CARMIL2: variants seen among roughly 807,000 people sequenced by gnomAD.
CARMIL2 encodes capping protein, Arp2/3 and myosin-I linker protein 2.
CARMIL2 carries 96 observed loss-of-function variants against 173.3 expected under a neutral mutation model. That is an observed-to-expected ratio of 0.55 (90% confidence interval 0.47 to 0.66). The LOEUF (loss-of-function observed/expected upper bound fraction) is 0.66, where lower values mean the gene tolerates loss of function less well. Among genes scored for constraint, CARMIL2 ranks in the 30% least tolerant of loss-of-function variants. The pLI, the probability that CARMIL2 is intolerant of heterozygous loss-of-function variation, is 0.00. For synonymous variants in CARMIL2, 830 were observed against 817.1 expected, an observed-to-expected ratio of 1.02 and a Z score of -0.27; for missense variants, 1,771 against 1,906.7, an observed-to-expected ratio of 0.93 and a Z score of 1.33.
rs1433268820 is a variant in CARMIL2 at position 67,652,981 on chromosome 16, G to T, written c.2885-38G>T. On this transcript the variant is annotated intron_variant, in intron 28 of 37. Transcript: ENST00000334583. The surrounding 1 kb of genome is among the most constrained non-coding windows in gnomAD (Gnocchi z 4.7). ...AGCGCCTCCGCCGCCACCTCCCCGG[G>T]CTCGGCGCTCGGTGCTCTTCTGGTG... is the stretch of plus-strand genomic sequence containing the variant. The T allele has an allele frequency of 2.6e-6, 3 of 1,136,322 alleles. No homozygotes were observed. In the South Asian group the frequency reaches 4.6e-5, roughly 17 times the overall value. 70.4% of individuals were successfully genotyped at this position (1,136,322 alleles called of 1,614,324 possible).
rs749112926 is a variant in CARMIL2 at position 67,645,753 on chromosome 16, G to C, written c.162G>C (p.Leu54=). ...TGCTACGATGGAGAGCCTACCTGCT[G>C]CACACCACCTGCCTCCCGCTGAGGG... is the stretch of plus-strand genomic sequence containing the variant. ...LALLRWRAYL[L]HTTCLPLRVD... is the part of the protein sequence containing the mutation. Residue 54 remains leucine, a synonymous_variant, in exon 3 of 38, where the codon CTG becomes CTC. Coordinates refer to ENST00000334583, the MANE Select transcript of CARMIL2 (RefSeq NM_001013838.3). 9 of 1,612,832 alleles carry C rather than the reference G, an allele frequency of 5.6e-6. No individual in the cohort carries two copies. The South Asian group carries it at 8.8e-5, about 16-fold the overall frequency.
At chr16:67,650,927 C>G (rs2052710711) in intron 22 of CARMIL2, 2 of 454,994 alleles carry the variant, frequency 4.4e-6, no homozygotes, top group African/African-American at 3.9e-5. Context: ...TGTGGACAGA[C>G]TGAGCTTCTA....
chr16:67,649,325 ACCTTGCAGGG>A lies in CARMIL2; in HGVS notation c.1746+18_1746+27del. On this transcript the variant is annotated intron_variant, in intron 19 of 37. Coordinates refer to ENST00000334583, the MANE Select transcript of CARMIL2 (RefSeq NM_001013838.3). This position sits in a 1 kb window ranked among gnomAD's most constrained non-coding sequence, Gnocchi z 6.7. ...GACGACGATTGTGTGAGTTCACGGG[ACCTTGCAGGG>A]CCTCGGGCAATTAGACCACTTTGGT... is the stretch of plus-strand genomic sequence containing the variant. The A allele has an allele frequency of 6.2e-7, 1 of 1,611,176 alleles. No homozygotes were observed. The highest frequency in any genetic ancestry group is 8.5e-7 in the Non-Finnish European group (1 of 1,179,534).
chr16:67,653,062 G>A lies in CARMIL2; in HGVS notation c.2928G>A (p.Pro976=), dbSNP rs1407351491. 1.6e-6 allele frequency: 2 copies of A among 1,266,910 alleles called. No homozygotes were observed. Among genetic ancestry groups the A allele is most frequent in the Admixed American group, 7.8e-5 (2 of 25,558 alleles). 78.5% of individuals were successfully genotyped at this position (1,266,910 alleles called of 1,614,324 possible). A position where few individuals can be genotyped will look rare whatever the true frequency, so the allele number is the denominator to read the frequency against. ...AGCCGGAGCCCGAGCTGGCGGCTCC[G>A]GGAGAAGATGCAGAGCCGCAGGCGG... The part of the protein sequence containing the change: ...EAEPEPELAA[P]GEDAEPQAGP... Residue 976 remains proline, a synonymous_variant, in exon 29 of 38, where the codon CCG becomes CCA. Coordinates refer to ENST00000334583, the MANE Select transcript of CARMIL2 (RefSeq NM_001013838.3). This position sits in a 1 kb window ranked among gnomAD's most constrained non-coding sequence, Gnocchi z 7.4.
chr16:67,652,136 G>C lies in CARMIL2; in HGVS notation c.2677-63G>C. 2 of 1,596,726 alleles carry C rather than the reference G, an allele frequency of 1.3e-6. No homozygotes were observed. The highest frequency in any genetic ancestry group is 2.2e-5 in the South Asian group (2 of 90,484). On this transcript the variant is annotated intron_variant, in intron 26 of 37. Coordinates refer to ENST00000334583, the MANE Select transcript of CARMIL2 (RefSeq NM_001013838.3). This position sits in a 1 kb window ranked among gnomAD's most constrained non-coding sequence, Gnocchi z 4.7. ...CCAGGGCTATTTCAGGGTCCCCTTAGTTAGCATCAATGGGATCATGGCTGA... is the reference window on the plus strand; with the variant it reads ...CCAGGGCTATTTCAGGGTCCCCTTACTTAGCATCAATGGGATCATGGCTGA...
Position 67,648,029 on chromosome 16 carries a change from T to G in CARMIL2, c.1072-23T>G. ...CCTGGGTAGGCGATCCCCCACTCCA[T>G]CGCACCCCTGTCCTCCCTCCAGGGC... On this transcript the variant is annotated intron_variant, in intron 13 of 37. Transcript: ENST00000334583. The surrounding 1 kb of genome is among the most constrained non-coding windows in gnomAD (Gnocchi z 6.1). 1 of 1,609,666 alleles carries G rather than the reference T, an allele frequency of 6.2e-7. No individual in the cohort carries two copies. The highest frequency in any genetic ancestry group is 8.5e-7 in the Non-Finnish European group (1 of 1,178,160).
chr16:67,649,457 C>T lies in CARMIL2; in HGVS notation c.1757C>T (p.Ser586Phe). Reference protein sequence around the residue: ...LMQDDDCPLQSLSVAESRLKL... With the variant: ...LMQDDDCPLQFLSVAESRLKL... ...TTCTCTTAACCCCAGCCTCTTCAGT[C>T]TCTGTCGGTGGCTGAGTCTCGGCTG... The change falls in exon 20 of 38, where the codon TCT (serine) becomes TTT (phenylalanine). Residue 586 changes from serine to phenylalanine, a missense_variant. Physicochemically the swap from Ser to Phe is radical, Grantham distance 155. This residue lies in a region of CARMIL2 where 944 missense variants were observed against 975.6 expected (regional missense o/e 0.97). Coordinates refer to ENST00000334583, the MANE Select transcript of CARMIL2 (RefSeq NM_001013838.3). This position sits in a 1 kb window ranked among gnomAD's most constrained non-coding sequence, Gnocchi z 6.7. 6.2e-7 allele frequency: 1 copy of T among 1,612,094 alleles called. No homozygotes were observed. The highest frequency in any genetic ancestry group is 8.5e-7 in the Non-Finnish European group (1 of 1,179,894).
Position 67,654,706 on chromosome 16 carries a change from A to G in CARMIL2, c.3582+14A>G, listed in dbSNP as rs1597758525. On this transcript the variant is annotated intron_variant, in intron 31 of 37. Transcript: ENST00000334583. ...AGACCCGACAAGGTGAGGCTTGCTG[A>G]TGGGGGGTGGTGAAGGCGCTTCTGG... is the stretch of plus-strand genomic sequence containing the variant. 1 of 1,600,166 alleles carries G rather than the reference A, an allele frequency of 6.2e-7. No homozygotes were observed. The highest frequency in any genetic ancestry group is 8.5e-7 in the Non-Finnish European group (1 of 1,172,320).
At position 67,654,072 on chromosome 16, in the gene CARMIL2, C is replaced by A. The variant is rs184348146; in HGVS notation, c.3121-77C>A. ...GAATCCTGGAGTTATTCAGTCCAGGCTGCCGGCCGGGGGGGGGGGGGGGTA... is the reference window on the plus strand; with the variant it reads ...GAATCCTGGAGTTATTCAGTCCAGGATGCCGGCCGGGGGGGGGGGGGGGTA... On this transcript the variant is annotated intron_variant, in intron 29 of 37. Transcript: ENST00000334583. 1.8e-4 allele frequency: 166 copies of A among 919,028 alleles called. 3 individuals are homozygous for A. The African/African-American group carries it at 4.8e-3, about 27-fold the overall frequency. 56.9% of individuals were successfully genotyped at this position (919,028 alleles called of 1,614,324 possible).
chr16:67,649,537 G>A lies in CARMIL2; in HGVS notation c.1837G>A (p.Ala613Thr), dbSNP rs201402413. ...CCTAGCCACCAATCCTAACCTGACC[G>A]CGCTGGATATCAGCGGCAACGCCAT... is the stretch of plus-strand genomic sequence containing the variant. ...RALATNPNLTALDISGNAMGD... is the reference protein window; with the variant it reads ...RALATNPNLTTLDISGNAMGD... The change falls in exon 20 of 38, where the codon GCG becomes ACG. Residue 613 changes from alanine to threonine, a missense_variant. Ala to Thr is a moderately conservative substitution (Grantham distance 58). Transcript: ENST00000334583. This position sits in a 1 kb window ranked among gnomAD's most constrained non-coding sequence, Gnocchi z 6.7. 6 of 1,606,134 alleles carry A rather than the reference G, an allele frequency of 3.7e-6. No individual in the cohort carries two copies. In the Admixed American group the frequency reaches 6.7e-5, roughly 18 times the overall value.
Position 67,653,066 on chromosome 16 carries a change from G to A in CARMIL2, c.2932G>A (p.Glu978Lys). 1.6e-6 allele frequency: 2 copies of A among 1,263,234 alleles called. No homozygotes were observed. Among genetic ancestry groups the A allele is most frequent in the Non-Finnish European group, 2.0e-6 (2 of 994,120 alleles). 78.3% of individuals were successfully genotyped at this position (1,263,234 alleles called of 1,614,324 possible). A position where few individuals can be genotyped will look rare whatever the true frequency, so the allele number is the denominator to read the frequency against. The change falls in exon 29 of 38, where the codon GAA becomes AAA. Residue 978 changes from glutamate (E) to lysine (K), a missense_variant. Around this residue, in one of 3 missense-constraint regions of CARMIL2, gnomAD observed 817 missense variants for 903.5 expected, o/e 0.90. Coordinates refer to ENST00000334583, the MANE Select transcript of CARMIL2 (RefSeq NM_001013838.3). This position sits in a 1 kb window ranked among gnomAD's most constrained non-coding sequence, Gnocchi z 7.4. Reference protein sequence around the residue: ...EPEPELAAPGEDAEPQAGPSA... With the variant: ...EPEPELAAPGKDAEPQAGPSA... Reference sequence around the variant, plus strand: ...GGAGCCCGAGCTGGCGGCTCCGGGAGAAGATGCAGAGCCGCAGGCGGGGCC... The same window carrying A: ...GGAGCCCGAGCTGGCGGCTCCGGGAAAAGATGCAGAGCCGCAGGCGGGGCC...
In CARMIL2 at chr16:67,645,255, G is replaced by C; in HGVS notation, c.9G>C (p.Gln3His). 6.2e-7 allele frequency: 1 copy of C among 1,600,954 alleles called. No individual in the cohort carries two copies. Among genetic ancestry groups the C allele is most frequent in the Non-Finnish European group, 8.5e-7 (1 of 1,174,676 alleles). MA[Q>H]TPDGISCELR... is the part of the protein sequence containing the mutation. ...CCCGGCCCGCCCGGCCCATGGCCCA[G>C]ACCCCCGACGGCATCTCCTGTGAGC... Residue 3 changes from glutamine to histidine, a missense_variant, in exon 1 of 38, where the codon CAG becomes CAC. Physicochemically the swap from Gln to His is conservative, Grantham distance 24. Coordinates refer to ENST00000334583, the MANE Select transcript of CARMIL2 (RefSeq NM_001013838.3).
rs1036411507 is a variant in CARMIL2 at position 67,652,909 on chromosome 16, C to T, written c.2885-110C>T. 127 of 279,612 alleles carry T rather than the reference C, an allele frequency of 4.5e-4. 1 individual carries two copies. The highest frequency in any genetic ancestry group is 2.2e-3 in the East Asian group (23 of 10,478). The allele number at this position is 279,612 out of a possible 1,614,324, so 17.3% of individuals were successfully genotyped here. The stretch of plus-strand genomic sequence containing the variant: ...GGCAGAGGGGCGGGGGGACGGGCGG[C>T]GTAGCCGGGCCCCTCCCCGCGCCCT... On this transcript the variant is annotated intron_variant, in intron 28 of 37. Coordinates refer to ENST00000334583, the MANE Select transcript of CARMIL2 (RefSeq NM_001013838.3). This position sits in a 1 kb window ranked among gnomAD's most constrained non-coding sequence, Gnocchi z 4.7.
Position 67,653,141 on chromosome 16 carries a change from C to T in CARMIL2, c.3007C>T (p.Pro1003Ser). Reference protein sequence around the residue: ...SPAAPGPPAGPLPRMDLPLAG... With the variant: ...SPAAPGPPAGSLPRMDLPLAG... ...TGCCGCCCCTGGGCCCCCGGCCGGC[C>T]CGCTGCCCCGCATGGACCTGCCACT... Residue 1003 changes from proline to serine, a missense_variant, in exon 29 of 38, where the codon CCG (proline) becomes TCG (serine). Physicochemically the swap from Pro to Ser is moderately conservative, Grantham distance 74. Around this residue, in one of 3 missense-constraint regions of CARMIL2, gnomAD observed 817 missense variants for 903.5 expected, o/e 0.90. Transcript: ENST00000334583. This position sits in a 1 kb window ranked among gnomAD's most constrained non-coding sequence, Gnocchi z 7.4. 9.0e-7 allele frequency: 1 copy of T among 1,114,992 alleles called. No homozygotes were observed. Among genetic ancestry groups the T allele is most frequent in the Non-Finnish European group, 1.1e-6 (1 of 913,698 alleles). The allele number at this position is 1,114,992 out of a possible 1,614,324, so 69.1% of individuals were successfully genotyped here. A position where few individuals can be genotyped will look rare whatever the true frequency, so the allele number is the denominator to read the frequency against.
In CARMIL2 at chr16:67,657,236, T is replaced by G; in HGVS notation, c.4118-3T>G. 6.2e-7 allele frequency: 1 copy of G among 1,613,430 alleles called. No homozygotes were observed. Among genetic ancestry groups the G allele is most frequent in the Non-Finnish European group, 8.5e-7 (1 of 1,179,690 alleles). On this transcript the variant is annotated splice_polypyrimidine_tract_variant and splice_region_variant and intron_variant, in intron 36 of 37. Coordinates refer to ENST00000334583, the MANE Select transcript of CARMIL2 (RefSeq NM_001013838.3). The surrounding 1 kb of genome is among the most constrained non-coding windows in gnomAD (Gnocchi z 4.5). ...CCACCCCAAGCCTTTCTGTGTCCCT[T>G]AGAACGGCCCCTGAGGCTGCAGCGC... is the stretch of plus-strand genomic sequence containing the variant.
intron 8 of CARMIL2, 35 bp from the exon 9 acceptor site, chr16:67,647,081 C>G (rs769925641): frequency 1.2e-6 from 2 of 1,612,072 alleles, no homozygotes; most frequent in Non-Finnish European, 1.7e-6. Context: ...GCTGGAGGGC[C>G]CTGAGCTCTG....
intron 9 of CARMIL2, 32 bp from the exon 10 acceptor site, chr16:67,647,267 C>CCCGCTGAGGGCCAGGGTGT (rs1567627557): frequency 6.2e-7 from 1 of 1,609,750 alleles, no homozygotes; most frequent in Non-Finnish European, 8.5e-7. Context: ...GGCCAGGGTG[C>CCCGCTGAGGGCCAGGGTGT]AGCCCGTGAG....
At chr16:67,655,294 T>G (rs1287352938) in intron 32 of CARMIL2, among the ~76,000 whole-genome samples, 1 of 152,126 alleles carries the variant, frequency 6.6e-6, no homozygotes, top group Non-Finnish European at 1.5e-5. Context: ...TAGCCGGGTG[T>G]GGCGGTGGGC....
intron 1 of CARMIL2, 50 bp from the exon 2 acceptor site, chr16:67,645,490 G>A: frequency 6.7e-7 from 1 of 1,499,632 alleles, no homozygotes; most frequent in South Asian, 1.2e-5. Flanking sequence ...GTGGGCACCA[G>A]TGGCTTCTGT....
Sources: allele counts gnomAD v4.1 joint callset (sites outside exome capture counted in the v4.1 genomes callset), GRCh38; gene constraint gnomAD v4.1.1; regional missense constraint gnomAD v4.1.1; non-coding constraint Gnocchi (gnomAD v3.1); transcripts MANE v1.5; gene names NCBI Gene and HGNC (gene_info 2026-07-23, HGNC 2026-07-21).